The following PTPRR variants were observed in gnomAD, a reference collection of about 807,000 sequenced individuals.
PTPRR encodes protein tyrosine phosphatase receptor type R.
Under a neutral mutation model 77.2 loss-of-function variants are expected in PTPRR, and 38 were observed. That is an observed-to-expected ratio of 0.49 (90% CI 0.38 to 0.65). PTPRR has a LOEUF of 0.65. PTPRR is among the 30% of genes least tolerant of loss of function. The pLI is 0.00. For synonymous variants in PTPRR, 299 were observed against 283.1 expected (o/e 1.06, Z -0.57); for missense variants, 744 against 799.2 (o/e 0.93, Z 0.83).
At chr12:70,716,863 T>C (rs1354747928) in intron 6 of PTPRR, among the ~76,000 whole-genome samples, 1 of 152,164 alleles carries the variant, frequency 6.6e-6, no homozygotes, top group Non-Finnish European at 1.5e-5. Context: ...TAAAATCATT[T>C]TGTGTATCAC....
intron 2 of PTPRR, among the ~76,000 whole-genome samples, chr12:70,783,670 G>A (rs1891251823): frequency 6.6e-6 from 1 of 152,048 alleles, no homozygotes; most frequent in African/African-American, 2.4e-5. Context: ...GGCGGCCCCG[G>A]ACCCCAGGCT....
At chr12:70,768,774 A>C (rs1890893246) in intron 2 of PTPRR, among the ~76,000 whole-genome samples, 1 of 152,056 alleles carries the variant, frequency 6.6e-6, no homozygotes, top group Admixed American at 6.6e-5. Context: ...AATACGGGCA[A>C]ACCGAATCCA....
intron 2 of PTPRR, among the ~76,000 whole-genome samples, chr12:70,803,473 G>T (rs1207018168): frequency 6.6e-6 from 1 of 152,024 alleles, no homozygotes; most frequent in Admixed American, 6.5e-5. Flanking sequence ...GTAGACAAGA[G>T]GCCAACAAGT....
chr12:70,897,543 T>C (rs1453142251), intron 1 of PTPRR, among the ~76,000 whole-genome samples: 6 of 151,870 alleles, frequency 4.0e-5, no homozygotes, highest in African/African-American at 1.5e-4. Flanking sequence ...AGGAACACTT[T>C]TACACTGTTG....
intron 6 of PTPRR, among the ~76,000 whole-genome samples, chr12:70,730,313 C>A (rs1889607720): frequency 6.6e-6 from 1 of 151,966 alleles, no homozygotes; most frequent in Non-Finnish European, 1.5e-5. Flanking sequence ...GAGTTCAAGA[C>A]CTGCCTGGCC....
intron 8 of PTPRR, among the ~76,000 whole-genome samples, chr12:70,694,927 T>G (rs1285157418): frequency 5.9e-5 from 9 of 152,250 alleles, no homozygotes; most frequent in Admixed American, 5.9e-4. Flanking sequence ...TTTCTATTGA[T>G]GTATGATTGT....
intron 2 of PTPRR, among the ~76,000 whole-genome samples, chr12:70,855,391 C>G (rs1327102951): frequency 6.6e-6 from 1 of 152,122 alleles, no homozygotes; most frequent in Non-Finnish European, 1.5e-5. Flanking sequence ...AGCAGGGAAG[C>G]CTGTTAAGGA....
intron 13 of PTPRR, among the ~76,000 whole-genome samples, chr12:70,645,135 G>A (rs1212476546): frequency 6.6e-6 from 1 of 152,120 alleles, no homozygotes; most frequent in African/African-American, 2.4e-5. Flanking sequence ...GAGGAGGATG[G>A]GTCATTAGGA....
At chr12:70,653,574 T>G (rs1286874633) in intron 13 of PTPRR, among the ~76,000 whole-genome samples, 1 of 152,188 alleles carries the variant, frequency 6.6e-6, no homozygotes, top group Non-Finnish European at 1.5e-5. Context: ...GAGTTATACA[T>G]TACTATTTCC....
chr12:70,808,229 C>G (rs1057499440), intron 2 of PTPRR, among the ~76,000 whole-genome samples: 1 of 152,108 alleles, frequency 6.6e-6, no homozygotes, highest in Non-Finnish European at 1.5e-5. Flanking sequence ...CAGACTGGTT[C>G]TCTGCTCTTG....
chr12:70,688,704 C>T (rs1887955746), intron 8 of PTPRR, among the ~76,000 whole-genome samples: 1 of 152,214 alleles, frequency 6.6e-6, no homozygotes, highest in South Asian at 2.1e-4. Context: ...TCCAAAGGAA[C>T]TGAAGTCAGT....
intron 6 of PTPRR, among the ~76,000 whole-genome samples, chr12:70,714,761 G>A (rs1888957357): frequency 1.3e-5 from 2 of 152,102 alleles, no homozygotes; most frequent in South Asian, 4.1e-4. Flanking sequence ...GAGGCGGGCA[G>A]ATTGCATGAG....
At chr12:70,777,667 G>A (rs1444919670) in intron 2 of PTPRR, among the ~76,000 whole-genome samples, 2 of 152,270 alleles carry the variant, frequency 1.3e-5, no homozygotes, top group African/African-American at 2.4e-5. Flanking sequence ...AGTTAACAAT[G>A]AGGATGCCTT....
intron 10 of PTPRR, among the ~76,000 whole-genome samples, chr12:70,679,133 G>C (rs575573222): frequency 6.6e-6 from 1 of 152,004 alleles, no homozygotes; most frequent in Non-Finnish European, 1.5e-5. Context: ...CTTTCTATTT[G>C]TCTCAAGGAA....
intron 2 of PTPRR, among the ~76,000 whole-genome samples, chr12:70,876,588 T>G (rs991723956): frequency 2.2e-4 from 33 of 152,328 alleles, no homozygotes; most frequent in Admixed American, 1.4e-3. Context: ...TATGTATGTA[T>G]TTAAAGGAAA....
At chr12:70,780,435 T>C (rs778580465) in intron 2 of PTPRR, among the ~76,000 whole-genome samples, 2 of 152,184 alleles carry the variant, frequency 1.3e-5, no homozygotes, top group Non-Finnish European at 2.9e-5. Context: ...AGTTAATGCA[T>C]ATGATAGAAA....
At chr12:70,710,410 T>C (rs992164144) in intron 6 of PTPRR, among the ~76,000 whole-genome samples, 2 of 152,104 alleles carry the variant, frequency 1.3e-5, no homozygotes, top group Admixed American at 6.6e-5. Context: ...TCAAGATGGC[T>C]TAAACGCTTA....
At chr12:70,843,422 C>T (rs10879201) in intron 2 of PTPRR, among the ~76,000 whole-genome samples, 37,668 of 151,992 alleles carry the variant, frequency 0.25, 4,875 homozygotes, top group East Asian at 0.4. Flanking sequence ...GCTCTCTGGA[C>T]CTGAACATAA....
intron 6 of PTPRR, among the ~76,000 whole-genome samples, chr12:70,735,243 G>A (rs1481293188): frequency 2.0e-5 from 3 of 152,138 alleles, no homozygotes; most frequent in African/African-American, 2.4e-5. Context: ...TGATTAGTCC[G>A]TTCTCACACT....
Sources: allele counts gnomAD v4.1 joint callset (sites outside exome capture counted in the v4.1 genomes callset), GRCh38; gene constraint gnomAD v4.1.1; transcripts MANE v1.5; gene names NCBI Gene and HGNC (gene_info 2026-07-23, HGNC 2026-07-21).